Variants in TRPM3 observed in about 807,000 individuals in gnomAD.
The protein encoded by TRPM3 is transient receptor potential cation channel subfamily M member 3.
Under a neutral mutation model 181.2 loss-of-function variants are expected in TRPM3, and 77 were observed. The ratio of observed to expected loss-of-function variants is 0.42; its 90% confidence interval spans 0.35 to 0.51. The LOEUF is 0.51. Ranked by LOEUF, TRPM3 falls within the 20% of genes least tolerant of loss-of-function variation. The probability of loss-of-function intolerance (pLI) is 0.01; values close to 1 mark genes in which losing one functional copy is unlikely to be tolerated. For missense variants in TRPM3, 1,759 were observed against 2,196.7 expected, an observed-to-expected ratio of 0.80 and a Z score of 3.98; for synonymous variants, 745 against 796.4, an observed-to-expected ratio of 0.94 and a Z score of 1.09.
intron 1 of TRPM3, among the ~76,000 whole-genome samples, chr9:71,256,544 G>T (rs928875091): frequency 6.6e-6 from 1 of 152,076 alleles, no homozygotes; most frequent in African/African-American, 2.4e-5. Flanking sequence ...AAGATTCCTT[G>T]GGTGTGCCAG....
intron 1 of TRPM3, among the ~76,000 whole-genome samples, chr9:71,229,595 A>C (rs898643428): frequency 1.3e-5 from 2 of 152,214 alleles, no homozygotes; most frequent in African/African-American, 4.8e-5. Context: ...CTATACAAGG[A>C]ACTCAAGCAA....
intron 1 of TRPM3, among the ~76,000 whole-genome samples, chr9:71,269,190 G>T (rs2083606378): frequency 6.6e-6 from 1 of 152,130 alleles, no homozygotes; most frequent in African/African-American, 2.4e-5. Context: ...TATACACAAG[G>T]CTCTAAAAAG....
chr9:70,605,832 T>G (rs1365465196), intron 19 of TRPM3, among the ~76,000 whole-genome samples: 1 of 152,248 alleles, frequency 6.6e-6, no homozygotes, highest in Non-Finnish European at 1.5e-5. Context: ...TGCCCTGGTT[T>G]TATCATTTTG....
Position 70,650,802 on chromosome 9 carries a change from A to T in TRPM3, c.1346-10142T>A, listed in dbSNP as rs184704509. On this transcript the variant is annotated intron_variant, in intron 9 of 25. Coordinates refer to ENST00000677713, the MANE Select transcript of TRPM3 (RefSeq NM_001366145.2). ...TTCTCAGTTCATCTGCAATTCTGTG[A>T]TGATTCCCCCGCTTCATTCTTGAGT... Among the ~76,000 whole-genome samples the T allele has an allele frequency of 7.2e-4, 109 of 152,230 alleles. 1 individual carries two copies. The highest frequency in any genetic ancestry group is 2.5e-3 in the African/African-American group (103 of 41,530).
chr9:71,396,644 T>G lies in TRPM3; in HGVS notation c.183+50009A>C, dbSNP rs192823099. ...ATCTAAAAAGTTAAAAGTCGAACTT[T>G]GGAATAAAATTCCTCTTTAAGGAAA... On this transcript the variant is annotated intron_variant, in intron 1 of 24. Coordinates refer to the TRPM3 transcript ENST00000357533. 2.9e-3 allele frequency among the ~76,000 whole-genome samples: 438 copies of G among 151,576 alleles called. 1 individual carries two copies. The highest frequency in any genetic ancestry group is 4.6e-3 in the Non-Finnish European group (310 of 67,860).
At position 71,104,095 on chromosome 9, in the gene TRPM3, T is replaced by A. The variant is rs1438934674; in HGVS notation, c.177+17083A>T. Among the ~76,000 whole-genome samples the A allele has an allele frequency of 4.6e-5, 7 of 152,128 alleles. No individual in the cohort carries two copies. In the South Asian group the frequency reaches 1.5e-3, roughly 32 times the overall value. ...ATGCCCATCTAATTTTGCATTTTTT[T>A]AGTAGAGATGGGGCTTCACCATGTT... is the stretch of plus-strand genomic sequence containing the variant. On this transcript the variant is annotated intron_variant, in intron 1 of 25. Transcript: ENST00000677713.
intron 1 of TRPM3, among the ~76,000 whole-genome samples, chr9:71,346,415 G>A (rs749461659): frequency 2.0e-5 from 3 of 152,162 alleles, no homozygotes; most frequent in Non-Finnish European, 4.4e-5. Context: ...TCTTAGGGGT[G>A]TACTTTAAGA....
chr9:71,336,146 T>C (rs1252150410), intron 1 of TRPM3, among the ~76,000 whole-genome samples: 4 of 146,792 alleles, frequency 2.7e-5, no homozygotes, highest in Non-Finnish European at 6.0e-5. Context: ...TTTCATAACA[T>C]ATACATGCTC....
At chr9:70,777,192 A>G (rs569775186) in intron 7 of TRPM3, among the ~76,000 whole-genome samples, 222 of 152,296 alleles carry the variant, frequency 1.5e-3, no homozygotes, top group African/African-American at 5.1e-3. Flanking sequence ...TCTATCATAA[A>G]GAATTATGCA....
chr9:70,767,309 C>T (rs1458031525), intron 7 of TRPM3, among the ~76,000 whole-genome samples: 1 of 152,208 alleles, frequency 6.6e-6, no homozygotes, highest in African/African-American at 2.4e-5. Flanking sequence ...ACACTCCATG[C>T]AGACATCTGC....
In TRPM3 at chr9:70,930,878, AAAAAAT is replaced by A. The variant is rs2096769535; in HGVS notation, c.178-66373_178-66368del. Among the ~76,000 whole-genome samples, 3 of 152,240 alleles carry A rather than the reference AAAAAAT, an allele frequency of 2.0e-5. No homozygotes were observed. In the South Asian group the frequency reaches 6.2e-4, roughly 31 times the overall value. ...ACAGGGCAAATGAAAGTGGCTGAGA[AAAAAAT>A]AAAAATAAATATATATATTCACATT... On this transcript the variant is annotated intron_variant, in intron 1 of 25. Transcript: ENST00000677713.
chr9:71,062,380 C>A (rs1240989747), intron 1 of TRPM3, among the ~76,000 whole-genome samples: 4 of 152,082 alleles, frequency 2.6e-5, no homozygotes, highest in Admixed American at 6.6e-5. Flanking sequence ...TAAATACCCT[C>A]CTTTCTATGC....
chr9:70,969,779 T>TATATATATATATAC (rs900528837), intron 1 of TRPM3, among the ~76,000 whole-genome samples: 4 of 139,842 alleles, frequency 2.9e-5, no homozygotes, highest in African/African-American at 1.0e-4. Flanking sequence ...TATATATATA[T>TATATATATATATAC]ACACACACAC....
chr9:71,097,989 A>G (rs992904708), intron 1 of TRPM3, among the ~76,000 whole-genome samples: 1 of 152,312 alleles, frequency 6.6e-6, no homozygotes, highest in Non-Finnish European at 1.5e-5. Context: ...ACTCTCAAGT[A>G]CATCCTGCCA....
At chr9:70,962,516 C>T (rs1442385872) in intron 1 of TRPM3, among the ~76,000 whole-genome samples, 1 of 152,120 alleles carries the variant, frequency 6.6e-6, no homozygotes, top group African/African-American at 2.4e-5. Context: ...CTCTTTCACT[C>T]ACCTATGGTA....
At chr9:70,781,280 G>A (rs1458735452) in intron 7 of TRPM3, among the ~76,000 whole-genome samples, 2 of 141,112 alleles carry the variant, frequency 1.4e-5, no homozygotes, top group East Asian at 4.2e-4. Flanking sequence ...AGCTGAGATT[G>A]CATCACTGCA....
chr9:70,594,277 A>G (rs1395048183), intron 21 of TRPM3, among the ~76,000 whole-genome samples: 3 of 152,156 alleles, frequency 2.0e-5, no homozygotes, highest in Non-Finnish European at 2.9e-5. Context: ...TAAGTTCTCC[A>G]TAAATGTTAA....
intron 1 of TRPM3, among the ~76,000 whole-genome samples, chr9:70,878,910 AC>A (rs2095925617): frequency 6.6e-6 from 1 of 152,146 alleles, no homozygotes; most frequent in Admixed American, 6.6e-5. Flanking sequence ...TTGGGAAAAC[AC>A]CCTGTGCTGG....
At chr9:71,114,831 AG>A (rs756333052) in intron 1 of TRPM3, among the ~76,000 whole-genome samples, 1 of 152,230 alleles carries the variant, frequency 6.6e-6, no homozygotes, top group Non-Finnish European at 1.5e-5. Context: ...TTGACCATGA[AG>A]ACTATTTTTA....
Sources: gnomAD v4.1 joint callset for allele counts (sites outside exome capture counted in the v4.1 genomes callset) on GRCh38, gnomAD v4.1.1 for gene constraint, MANE v1.5 for transcripts, NCBI Gene and HGNC (gene_info 2026-07-23, HGNC 2026-07-21) for gene names.